Variants in PTPRJ observed in about 807,000 individuals in gnomAD.
PTPRJ encodes protein tyrosine phosphatase receptor type J, also known as receptor-type tyrosine-protein phosphatase eta.
Under a neutral mutation model 141.3 loss-of-function variants are expected in PTPRJ, and 129 were observed. The ratio of observed to expected loss-of-function variants is 0.91; its 90% CI spans 0.79 to 1.06. PTPRJ has a LOEUF of 1.06. Ranked by LOEUF, PTPRJ falls within the 50% of genes least tolerant of loss-of-function variation. PTPRJ has a pLI of 0.00. For synonymous variants in PTPRJ, 610 were observed against 640.5 expected (o/e 0.95, Z 0.72); for missense variants, 1,601 against 1,679.7 (o/e 0.95, Z 0.82).
At chr11:48,149,903 G>T in intron 16 of PTPRJ, 87 bp from the exon 17 acceptor site, 1 of 1,076,112 alleles carries the variant, frequency 9.3e-7, no homozygotes, top group South Asian at 1.5e-5. Context: ...GGGTTTTGTT[G>T]TTTTGGGAAG....
intron 12 of PTPRJ, 49 bp from the exon 13 acceptor site, chr11:48,144,626 C>A (rs1468971919): frequency 1.4e-6 from 2 of 1,435,146 alleles, no homozygotes; most frequent in African/African-American, 2.8e-5. Flanking sequence ...GAGAAGAAAT[C>A]TCTCTGCCAT....
chr11:47,981,048 G>T, intron 1 of PTPRJ, 40 bp downstream of exon 1: 1 of 1,209,004 alleles, frequency 8.3e-7, no homozygotes, highest in South Asian at 4.1e-5. Flanking sequence ...CAGGAGGCTG[G>T]GGCGGGACTG....
chr11:48,051,133 C>T (rs1383386317), intron 1 of PTPRJ, among the ~76,000 whole-genome samples: 1 of 130,198 alleles, frequency 7.7e-6, no homozygotes, highest in Non-Finnish European at 1.5e-5. Context: ...TCTCGCTCTG[C>T]CACCCAGGCT....
At chr11:48,056,504 C>T (rs1854755203) in intron 1 of PTPRJ, among the ~76,000 whole-genome samples, 1 of 152,192 alleles carries the variant, frequency 6.6e-6, no homozygotes, top group African/African-American at 2.4e-5. Flanking sequence ...ATTAGAGCGG[C>T]AGTTTGGCGT....
At chr11:48,075,471 G>A (rs1382818607) in intron 1 of PTPRJ, among the ~76,000 whole-genome samples, 3 of 152,090 alleles carry the variant, frequency 2.0e-5, no homozygotes, top group Non-Finnish European at 4.4e-5. Flanking sequence ...CACCCAGGCT[G>A]GAGTGCAGTG....
At chr11:48,049,618 G>T (rs1267168798) in intron 1 of PTPRJ, among the ~76,000 whole-genome samples, 1 of 151,090 alleles carries the variant, frequency 6.6e-6, no homozygotes, top group Non-Finnish European at 1.5e-5. Context: ...GGAGGCTGAG[G>T]CAGGAGAATC....
intron 24 of PTPRJ, among the ~76,000 whole-genome samples, chr11:48,165,439 A>C (rs1857895292): frequency 6.6e-6 from 1 of 152,190 alleles, no homozygotes; most frequent in South Asian, 2.1e-4. Context: ...AGTGTTTTTG[A>C]GGCATGTTTT....
chr11:48,012,750 A>G (rs908594228), intron 1 of PTPRJ, among the ~76,000 whole-genome samples: 2 of 152,166 alleles, frequency 1.3e-5, no homozygotes, highest in African/African-American at 4.8e-5. Context: ...ATGGCAATTA[A>G]AAAAATACTA....
At chr11:48,055,592 G>A (rs1278407720) in intron 1 of PTPRJ, among the ~76,000 whole-genome samples, 3 of 152,164 alleles carry the variant, frequency 2.0e-5, no homozygotes, top group Admixed American at 6.5e-5. Context: ...TCTCAGAAGC[G>A]TCTCTAGGTT....
intron 1 of PTPRJ, among the ~76,000 whole-genome samples, chr11:48,079,172 CAAAA>C (rs1191085918): frequency 6.6e-6 from 1 of 151,646 alleles, no homozygotes; most frequent in Non-Finnish European, 1.5e-5. Flanking sequence ...AAAAAAATCA[CAAAA>C]AATCTCAAAA....
intron 8 of PTPRJ, chr11:48,132,169 T>C (rs1293498407): frequency 1.1e-5 from 11 of 985,480 alleles, no homozygotes; most frequent in Non-Finnish European, 1.2e-5. Context: ...GCAGGTGGAC[T>C]GTTCACAGTC....
At chr11:48,121,383 G>A (rs1856704653) in intron 4 of PTPRJ, 117 bp downstream of exon 4, 2 of 1,135,904 alleles carry the variant, frequency 1.8e-6, no homozygotes, top group Non-Finnish European at 1.2e-6. Context: ...AACTAGAAGA[G>A]GAGAAAAGGT....
chr11:48,059,222 A>G (rs1360840674), intron 1 of PTPRJ, among the ~76,000 whole-genome samples: 1 of 148,238 alleles, frequency 6.7e-6, no homozygotes, highest in East Asian at 2.0e-4. Flanking sequence ...TCCCGGGTTC[A>G]AGCAATTCTC....
chr11:47,997,307 C>T (rs922984796), intron 1 of PTPRJ, among the ~76,000 whole-genome samples: 1 of 152,336 alleles, frequency 6.6e-6, no homozygotes, highest in South Asian at 2.1e-4. Context: ...GGCCTATGCC[C>T]TGGCAGTCTT....
rs559129274 is a variant in PTPRJ at position 48,058,043 on chromosome 11, C to T, written c.97-52015C>T. On this transcript the variant is annotated intron_variant, in intron 1 of 24. Transcript: ENST00000418331. ...TCTCCTGCCTCAGCCTCCCGAGTAG[C>T]TGGGATTACAGGCATGTGCCACCAT... Among the ~76,000 whole-genome samples the T allele has an allele frequency of 2.8e-3, 426 of 152,188 alleles. 1 individual carries two copies. The highest frequency in any genetic ancestry group is 9.6e-3 in the African/African-American group (398 of 41,510).
intron 8 of PTPRJ, chr11:48,132,163 G>A: frequency 1.0e-6 from 1 of 985,394 alleles, no homozygotes; most frequent in South Asian, 4.7e-5. Flanking sequence ...TGTTGGGCAG[G>A]TGGACTGTTC....
At chr11:48,154,625 A>G (rs770150644) in intron 19 of PTPRJ, among the ~76,000 whole-genome samples, 3 of 152,170 alleles carry the variant, frequency 2.0e-5, no homozygotes, top group Non-Finnish European at 4.4e-5. Flanking sequence ...TTTGCAGATA[A>G]TTTTTACATC....
chr11:48,002,560 C>G (rs921451672), intron 1 of PTPRJ, among the ~76,000 whole-genome samples: 9 of 152,046 alleles, frequency 5.9e-5, no homozygotes, highest in Admixed American at 1.3e-4. Flanking sequence ...TATAAAAACC[C>G]CAAGAAAACA....
At chr11:48,125,216 C>T (rs764481285) in intron 6 of PTPRJ, 30 bp downstream of exon 6, 2 of 1,602,116 alleles carry the variant, frequency 1.2e-6, no homozygotes, top group South Asian at 2.2e-5. Flanking sequence ...ATGGTGGCAG[C>T]CAGAGTTTCC....
Sources: gnomAD v4.1 joint callset for allele counts (sites outside exome capture counted in the v4.1 genomes callset) on GRCh38, gnomAD v4.1.1 for gene constraint, MANE v1.5 for transcripts, NCBI Gene and HGNC (gene_info 2026-07-23, HGNC 2026-07-21) for gene names.